PGAP1: variants seen among roughly 807,000 people sequenced by gnomAD.
PGAP1 encodes the protein post-GPI attachment to proteins inositol deacylase 1, also known as GPI inositol-deacylase.
In PGAP1, 76 loss-of-function variants were observed where a neutral mutation model predicts 127.0. That is an observed-to-expected ratio of 0.60 (90% CI 0.50 to 0.72). The LOEUF (loss-of-function observed/expected upper bound fraction) is 0.72. Ranked by LOEUF, PGAP1 falls within the 30% of genes least tolerant of loss-of-function variation. The pLI is 0.00. For synonymous variants in PGAP1, 362 were observed against 366.5 expected, an observed-to-expected ratio of 0.99 and a Z score of 0.14; for missense variants, 982 against 1,071.3, an observed-to-expected ratio of 0.92 and a Z score of 1.16.
Position 196,902,604 on chromosome 2 carries a change from G to A in PGAP1, c.788C>T (p.Thr263Ile), listed in dbSNP as rs1405870830. The change falls in exon 5 of 27, where the codon ACC becomes ATC. Residue 263 changes from threonine (T) to isoleucine (I), a missense_variant. Coordinates refer to ENST00000354764, the MANE Select transcript of PGAP1 (RefSeq NM_024989.4). ...GATTACCACAACAGATAAGGCACTG[G>A]TATGATGGCTTAATTTTGGTAGAAA... ...LTFLPKLSHH[T>I]SALSVVSSAV... 1.2e-6 allele frequency: 2 copies of A among 1,613,064 alleles called. No individual in the cohort carries two copies. The highest frequency in any genetic ancestry group is 1.7e-6 in the Non-Finnish European group (2 of 1,179,514).
chr2:196,872,087 A>G (rs1027457293), intron 18 of PGAP1, among the ~76,000 whole-genome samples: 1 of 152,198 alleles, frequency 6.6e-6, no homozygotes, highest in African/African-American at 2.4e-5. Flanking sequence ...TACACCATTA[A>G]GTATCATGTC....
intron 5 of PGAP1, among the ~76,000 whole-genome samples, chr2:196,901,464 C>G (rs974711217): frequency 2.0e-5 from 3 of 152,102 alleles, no homozygotes; most frequent in African/African-American, 7.2e-5. Context: ...AACTATGAAA[C>G]AGTGATTTTC....
intron 20 of PGAP1, among the ~76,000 whole-genome samples, chr2:196,851,187 C>A (rs951804724): frequency 6.6e-6 from 1 of 151,386 alleles, no homozygotes; most frequent in Non-Finnish European, 1.5e-5. Context: ...AATAAAAAAA[C>A]CCTGACAAAT....
intron 1 of PGAP1, among the ~76,000 whole-genome samples, 156 bp downstream of exon 1, chr2:196,926,314 G>A (rs568601017): frequency 1.3e-5 from 2 of 151,856 alleles, no homozygotes; most frequent in African/African-American, 4.8e-5. Flanking sequence ...GCAGAAGGGG[G>A]ATGCAGAGTC....
chr2:196,849,182 A>T (rs931218246), intron 20 of PGAP1, among the ~76,000 whole-genome samples: 3 of 151,950 alleles, frequency 2.0e-5, no homozygotes, highest in Non-Finnish European at 4.4e-5. Flanking sequence ...AAGAAAAACG[A>T]GACCTTTTTC....
At chr2:196,841,967 T>G (rs1303978967) in intron 26 of PGAP1, among the ~76,000 whole-genome samples, 2 of 151,994 alleles carry the variant, frequency 1.3e-5, no homozygotes, top group East Asian at 3.8e-4. Flanking sequence ...GTAGTTCCAC[T>G]TCTAGAAATT....
chr2:196,912,247 T>C (rs1311688079), intron 4 of PGAP1, among the ~76,000 whole-genome samples: 1 of 152,166 alleles, frequency 6.6e-6, no homozygotes, highest in Non-Finnish European at 1.5e-5. Flanking sequence ...ACTATCTTAC[T>C]TAAATATAAG....
chr2:196,849,440 A>AT (rs1170104400), intron 20 of PGAP1, among the ~76,000 whole-genome samples: 1,427 of 128,136 alleles, frequency 0.011, 11 homozygotes, highest in African/African-American at 0.02. Context: ...ATTTTTTTGT[A>AT]TTTTTTTTTT....
intron 4 of PGAP1, among the ~76,000 whole-genome samples, chr2:196,911,620 A>T (rs1437611276): frequency 7.4e-5 from 11 of 148,726 alleles, no homozygotes; most frequent in African/African-American, 2.7e-4. Flanking sequence ...AAAAAAAAAA[A>T]AAAAAAAAAA....
Position 196,872,748 on chromosome 2 carries a change from G to C in PGAP1, c.1620-199C>G, listed in dbSNP as rs1701449250. ...TAGGACACAGGAGTTGCGAGAGGGT[G>C]GAAGGGGGTTCAGGTTCCAAGGAAG... On this transcript the variant is annotated intron_variant, in intron 17 of 26. Transcript: ENST00000354764. 3 of 574,632 alleles carry C rather than the reference G, an allele frequency of 5.2e-6. No homozygotes were observed. The African/African-American group carries it at 5.7e-5, about 11-fold the overall frequency. 35.6% of individuals were successfully genotyped at this position (574,632 alleles called of 1,614,324 possible).
At chr2:196,922,200 A>G (rs1236093940) in intron 1 of PGAP1, 1 of 1,295,898 alleles carries the variant, frequency 7.7e-7, no homozygotes, top group Admixed American at 2.3e-5. Context: ...CATAAACTCA[A>G]AAGGTAAAAA....
chr2:196,861,229 C>T (rs1387778112), intron 20 of PGAP1, among the ~76,000 whole-genome samples: 1 of 152,076 alleles, frequency 6.6e-6, no homozygotes, highest in Non-Finnish European at 1.5e-5. Flanking sequence ...GAAACTACCA[C>T]AAGAATATAT....
chr2:196,899,911 G>T lies in PGAP1; in HGVS notation c.808-1542C>A, dbSNP rs147207053. The stretch of plus-strand genomic sequence containing the variant: ...AAATTAGCTGGGCATGGGGGCGTGT[G>T]CCTCTAATCCCAGCTACTCAGGAGG... On this transcript the variant is annotated intron_variant, in intron 5 of 26. Transcript: ENST00000354764. Among the ~76,000 whole-genome samples the T allele has an allele frequency of 4.5e-3, 692 of 152,300 alleles. 5 individuals are homozygous for T. The highest frequency in any genetic ancestry group is 0.016 in the African/African-American group (653 of 41,558).
chr2:196,871,358 C>T (rs73988070), intron 18 of PGAP1, among the ~76,000 whole-genome samples: 6,385 of 152,006 alleles, frequency 0.042, 434 homozygotes, highest in African/African-American at 0.15. Context: ...ATAAATACAA[C>T]TTTTTGATAA....
intron 5 of PGAP1, among the ~76,000 whole-genome samples, chr2:196,900,934 A>T (rs554251168): frequency 6.2e-5 from 9 of 145,532 alleles, no homozygotes; most frequent in Non-Finnish European, 1.3e-4. Flanking sequence ...CTCAAAAAAA[A>T]AGAAAAAAAA....
At chr2:196,881,011 T>TTCC (rs1490075203) in intron 12 of PGAP1, among the ~76,000 whole-genome samples, 2 of 152,160 alleles carry the variant, frequency 1.3e-5, no homozygotes, top group African/African-American at 4.8e-5. Context: ...CCTGATTCTC[T>TTCC]TCCTCCTCCT....
intron 10 of PGAP1, among the ~76,000 whole-genome samples, chr2:196,886,787 TC>T (rs1701924450): frequency 6.6e-6 from 1 of 151,936 alleles, no homozygotes; most frequent in African/African-American, 2.4e-5. Context: ...AACCTCTGCC[TC>T]CTGGGTTCAA....
chr2:196,923,041 AAT>A (rs1238994444), intron 1 of PGAP1, among the ~76,000 whole-genome samples: 1 of 152,046 alleles, frequency 6.6e-6, no homozygotes, highest in Non-Finnish European at 1.5e-5. Context: ...ATGTATTTTT[AAT>A]ATGTTTTTGA....
chr2:196,857,491 G>T (rs1259065538), intron 20 of PGAP1, among the ~76,000 whole-genome samples: 2 of 152,192 alleles, frequency 1.3e-5, no homozygotes, highest in Non-Finnish European at 2.9e-5. Context: ...AACAACCTGG[G>T]ACAGGTCTAT....
Sources: allele counts gnomAD v4.1 joint callset (sites outside exome capture counted in the v4.1 genomes callset), GRCh38; gene constraint gnomAD v4.1.1; transcripts MANE v1.5; gene names NCBI Gene and HGNC (gene_info 2026-07-23, HGNC 2026-07-21).